EYS: variants seen among roughly 807,000 people sequenced by gnomAD.
EYS encodes EGF-like photoreceptor maintenance factor, also known as protein eyes shut homolog.
In EYS, 250 loss-of-function variants were observed where a neutral mutation model predicts 282.1. The observed-to-expected ratio is 0.89, with a 90% CI of 0.80 to 0.98. EYS has a LOEUF of 0.98. Among genes scored for constraint, EYS ranks in the 50% least tolerant of loss-of-function variants. The pLI is 0.00. For missense variants in EYS, 4,016 were observed against 3,709.0 expected (o/e 1.08, Z -2.15); for synonymous variants, 1,355 against 1,282.9 (o/e 1.06, Z -1.20).
intron 22 of EYS, among the ~76,000 whole-genome samples, chr6:64,788,915 A>G (rs1208095921): frequency 5.3e-5 from 8 of 152,148 alleles, no homozygotes; most frequent in African/African-American, 1.9e-4. Context: ...AGTGGTAAAG[A>G]TGTGTTTAAT....
intron 5 of EYS, among the ~76,000 whole-genome samples, chr6:65,469,628 A>C (rs1562203834): frequency 6.6e-6 from 1 of 151,900 alleles, no homozygotes; most frequent in Non-Finnish European, 1.5e-5. Context: ...TGTATTTTTT[A>C]TTTCTTTTAT....
At chr6:65,216,996 A>G (rs1766331911) in intron 12 of EYS, among the ~76,000 whole-genome samples, 1 of 152,136 alleles carries the variant, frequency 6.6e-6, no homozygotes, top group East Asian at 1.9e-4. Flanking sequence ...CAATTAATCA[A>G]CCTCTCAATC....
chr6:64,187,562 G>A (rs1234437676), intron 31 of EYS, among the ~76,000 whole-genome samples: 2 of 151,956 alleles, frequency 1.3e-5, no homozygotes, highest in South Asian at 2.1e-4. Context: ...TTTAGCAGAG[G>A]TTTATATTAA....
chr6:65,099,048 A>G (rs1182945679), intron 12 of EYS, among the ~76,000 whole-genome samples: 1 of 150,812 alleles, frequency 6.6e-6, no homozygotes, highest in Non-Finnish European at 1.5e-5. Flanking sequence ...AATGAAGATT[A>G]TGTATTTCAA....
chr6:64,810,112 G>A (rs1026497537), intron 22 of EYS, among the ~76,000 whole-genome samples: 3 of 151,662 alleles, frequency 2.0e-5, no homozygotes, highest in Non-Finnish European at 2.9e-5. Flanking sequence ...TCAATCATCT[G>A]CATAAGACAA....
chr6:64,910,320 G>T (rs1767952813), intron 16 of EYS, among the ~76,000 whole-genome samples: 1 of 152,004 alleles, frequency 6.6e-6, no homozygotes, highest in Non-Finnish European at 1.5e-5. Context: ...CTAAAATGTT[G>T]CATAGTCAAC....
At chr6:63,797,117 T>C (rs1582216498) in intron 37 of EYS, 1 of 152,196 alleles carries the variant, frequency 6.6e-6, no homozygotes, top group Non-Finnish European at 1.5e-5. Flanking sequence ...GATTAAATAT[T>C]CTTAATATAA....
intron 22 of EYS, among the ~76,000 whole-genome samples, chr6:64,772,546 A>G (rs1773555339): frequency 6.6e-6 from 1 of 151,726 alleles, no homozygotes. Context: ...TAAAATCTAC[A>G]GTAAACTACT....
At chr6:65,681,065 A>G (rs2149838362) in intron 1 of EYS, among the ~76,000 whole-genome samples, 1 of 151,078 alleles carries the variant, frequency 6.6e-6, no homozygotes, top group East Asian at 2.0e-4. Flanking sequence ...CTGTCAGCCA[A>G]CTTATTAGCA....
intron 24 of EYS, among the ~76,000 whole-genome samples, chr6:64,613,787 G>T (rs1348157745): frequency 6.6e-6 from 1 of 152,072 alleles, no homozygotes; most frequent in Non-Finnish European, 1.5e-5. Flanking sequence ...AATGCTACAG[G>T]GTTCTCACAG....
chr6:64,532,922 T>C (rs953322203), intron 26 of EYS, among the ~76,000 whole-genome samples: 3 of 152,118 alleles, frequency 2.0e-5, no homozygotes, highest in South Asian at 2.1e-4. Flanking sequence ...AATCATCTTA[T>C]AGGGATTCTT....
chr6:64,813,069 G>T (rs1267703971), intron 22 of EYS, among the ~76,000 whole-genome samples: 1 of 151,366 alleles, frequency 6.6e-6, no homozygotes, highest in Non-Finnish European at 1.5e-5. Context: ...TCATTCATTT[G>T]GTATAAAATA....
chr6:65,467,339 G>C (rs765743422), intron 5 of EYS, among the ~76,000 whole-genome samples: 6 of 151,858 alleles, frequency 4.0e-5, no homozygotes, highest in Non-Finnish European at 7.4e-5. Flanking sequence ...AGAACAAATA[G>C]GTAAAATACT....
In EYS at chr6:63,778,067, G is replaced by A; in HGVS notation, c.7837C>T (p.Pro2613Ser). Residue 2613 changes from proline to serine, a missense_variant, in exon 40 of 43, where the codon CCC (proline) becomes TCC (serine). Coordinates refer to ENST00000503581, the MANE Select transcript of EYS (RefSeq NM_001142800.2). ...GRSVGQCHAS[P>S]CSLMKCGNGG... ...TTGCCACATTTCATTAAACTGCAGG[G>A]AGAAGCATGACACTGGCCAACACTG... 6.4e-7 allele frequency: 1 copy of A among 1,551,694 alleles called. No individual in the cohort carries two copies. The highest frequency in any genetic ancestry group is 8.7e-7 in the Non-Finnish European group (1 of 1,146,956).
intron 41 of EYS, among the ~76,000 whole-genome samples, chr6:63,760,268 A>G (rs990623899): frequency 4.6e-5 from 7 of 152,026 alleles, no homozygotes; most frequent in Non-Finnish European, 5.9e-5. Flanking sequence ...CTGAGAGGAG[A>G]TTTTATGATT....
chr6:64,383,736 T>C (rs1284409062), intron 29 of EYS, among the ~76,000 whole-genome samples: 5 of 152,218 alleles, frequency 3.3e-5, no homozygotes, highest in Admixed American at 3.3e-4. Context: ...GAGGACAGGG[T>C]AATGATTAAC....
At chr6:65,412,726 A>C (rs1197105191) in intron 5 of EYS, among the ~76,000 whole-genome samples, 1 of 152,124 alleles carries the variant, frequency 6.6e-6, no homozygotes, top group African/African-American at 2.4e-5. Flanking sequence ...TCTGTTATCT[A>C]TATATGAGTC....
At chr6:64,180,888 G>A (rs149892885) in intron 31 of EYS, among the ~76,000 whole-genome samples, 100 of 152,184 alleles carry the variant, frequency 6.6e-4, no homozygotes, top group Non-Finnish European at 1.1e-3. Context: ...GGTTTGGGGT[G>A]CAACTGATCC....
Position 63,776,408 on chromosome 6 carries a change from T to C in EYS, c.7898+1598A>G, listed in dbSNP as rs1441620008. 2.6e-5 allele frequency among the ~76,000 whole-genome samples: 4 copies of C among 152,312 alleles called. No individual in the cohort carries two copies. The South Asian group carries it at 8.3e-4, about 32-fold the overall frequency. On this transcript the variant is annotated intron_variant, in intron 40 of 42. Transcript: ENST00000503581. The stretch of plus-strand genomic sequence containing the variant: ...TGGAAGATCTGATTTTGGGTCCTGC[T>C]GTACTACTCACAGGGTGCTCATACA...
Sources: gnomAD v4.1 joint callset for allele counts (sites outside exome capture counted in the v4.1 genomes callset) on GRCh38, gnomAD v4.1.1 for gene constraint, MANE v1.5 for transcripts, NCBI Gene and HGNC (gene_info 2026-07-23, HGNC 2026-07-21) for gene names.